ZNF385D: variants seen among roughly 807,000 people sequenced by gnomAD.
The protein encoded by ZNF385D is zinc finger protein 385D, also known as zinc finger protein 659.
In ZNF385D, 15 loss-of-function variants were observed where a neutral mutation model predicts 35.8. The ratio of observed to expected loss-of-function variants is 0.42; its 90% CI spans 0.28 to 0.64. ZNF385D has a LOEUF of 0.64. Ranked by LOEUF, ZNF385D falls within the 30% of genes least tolerant of loss-of-function variation. The pLI, the probability that ZNF385D is intolerant of heterozygous loss-of-function variation, is 0.23. For missense variants in ZNF385D, 474 were observed against 494.6 expected (o/e 0.96, Z 0.39); for synonymous variants, 212 against 186.8 (o/e 1.13, Z -1.10).
chr3:21,896,277 G>C (rs1415405842), intron 3 of ZNF385D, among the ~76,000 whole-genome samples: 1 of 152,012 alleles, frequency 6.6e-6, no homozygotes, highest in Non-Finnish European at 1.5e-5. Flanking sequence ...CTGACCTTTG[G>C]GATCTTTGAT....
intron 4 of ZNF385D, chr3:21,441,860 G>T: frequency 2.7e-6 from 1 of 374,898 alleles, no homozygotes; most frequent in Non-Finnish European, 3.7e-6. Flanking sequence ...GTGACAAGGA[G>T]TTAAAAATAA....
chr3:22,248,020 T>G (rs2125324545), intron 2 of ZNF385D, among the ~76,000 whole-genome samples: 1 of 152,288 alleles, frequency 6.6e-6, no homozygotes, highest in East Asian at 1.9e-4. Context: ...ATACATATAA[T>G]AGAGATTTAA....
At chr3:22,212,932 T>C (rs926648612) in intron 2 of ZNF385D, among the ~76,000 whole-genome samples, 4 of 151,962 alleles carry the variant, frequency 2.6e-5, no homozygotes, top group African/African-American at 7.2e-5. Flanking sequence ...AAAAAATCAA[T>C]TGTATTAATT....
intron 2 of ZNF385D, among the ~76,000 whole-genome samples, chr3:22,198,488 T>C (rs951557289): frequency 9.9e-5 from 15 of 152,174 alleles, no homozygotes; most frequent in Non-Finnish European, 1.9e-4. Context: ...TACACTTTCA[T>C]AGAATAAAGA....
At chr3:22,177,049 C>T (rs1694879644) in intron 2 of ZNF385D, among the ~76,000 whole-genome samples, 1 of 152,012 alleles carries the variant, frequency 6.6e-6, no homozygotes, top group Non-Finnish European at 1.5e-5. Flanking sequence ...CCTACTGTTC[C>T]TATTTTAGGG....
At chr3:22,278,120 GAACAT>G (rs1398504078) in intron 2 of ZNF385D, among the ~76,000 whole-genome samples, 1 of 152,022 alleles carries the variant, frequency 6.6e-6, no homozygotes, top group Non-Finnish European at 1.5e-5. Flanking sequence ...AGTTAGAACA[GAACAT>G]GTTTTATTCA....
chr3:22,214,770 G>T (rs558033434), intron 2 of ZNF385D, among the ~76,000 whole-genome samples: 4 of 152,006 alleles, frequency 2.6e-5, no homozygotes, highest in Non-Finnish European at 5.9e-5. Flanking sequence ...CTGATAAGAT[G>T]TTATCAATGA....
chr3:22,221,206 T>C (rs2728987), intron 2 of ZNF385D, among the ~76,000 whole-genome samples: 87 of 152,280 alleles, frequency 5.7e-4, no homozygotes, highest in Non-Finnish European at 1.0e-3. Context: ...GATACATGTA[T>C]ACATACATTT....
At chr3:21,788,315 C>G (rs1254939357) in intron 3 of ZNF385D, among the ~76,000 whole-genome samples, 1 of 152,160 alleles carries the variant, frequency 6.6e-6, no homozygotes, top group Non-Finnish European at 1.5e-5. Flanking sequence ...CCCGTTTCTA[C>G]TAAAAATACA....
At chr3:22,098,372 A>T (rs1701746241) in intron 3 of ZNF385D, among the ~76,000 whole-genome samples, 1 of 152,158 alleles carries the variant, frequency 6.6e-6, no homozygotes, top group South Asian at 2.1e-4. Context: ...TAATGAACAC[A>T]ATTTTTTTCA....
chr3:21,730,434 C>A (rs1435820942), intron 1 of ZNF385D, among the ~76,000 whole-genome samples: 1 of 152,118 alleles, frequency 6.6e-6, no homozygotes, highest in Non-Finnish European at 1.5e-5. Context: ...CTTGTAAATG[C>A]AGAGATATCC....
At chr3:21,456,237 T>C (rs1022992201) in intron 4 of ZNF385D, among the ~76,000 whole-genome samples, 2 of 152,166 alleles carry the variant, frequency 1.3e-5, no homozygotes, top group African/African-American at 4.8e-5. Context: ...CATTACTGGG[T>C]ATATACCCAA....
intron 2 of ZNF385D, among the ~76,000 whole-genome samples, chr3:22,204,741 C>G (rs1403965546): frequency 6.6e-6 from 1 of 151,180 alleles, no homozygotes; most frequent in African/African-American, 2.4e-5. Flanking sequence ...TGCCATATAT[C>G]ATTCTTACCA....
intron 2 of ZNF385D, among the ~76,000 whole-genome samples, chr3:22,202,920 A>G (rs974602614): frequency 3.3e-5 from 5 of 152,120 alleles, no homozygotes; most frequent in African/African-American, 4.8e-5. Context: ...ACTGTGGGCT[A>G]AAGTGTTTTG....
chr3:22,218,774 G>A (rs954278932), intron 2 of ZNF385D, among the ~76,000 whole-genome samples: 5 of 151,972 alleles, frequency 3.3e-5, no homozygotes, highest in South Asian at 2.1e-4. Context: ...TAACTTTATA[G>A]TTGTTCATTG....
At chr3:21,801,612 T>C (rs2072407258) in intron 3 of ZNF385D, among the ~76,000 whole-genome samples, 1 of 152,184 alleles carries the variant, frequency 6.6e-6, no homozygotes, top group Admixed American at 6.6e-5. Context: ...TAATCTACTG[T>C]AGCAGAGCCA....
At chr3:22,127,767 A>C (rs76716386) in intron 3 of ZNF385D, among the ~76,000 whole-genome samples, 2,141 of 152,270 alleles carry the variant, frequency 0.014, 48 homozygotes, top group African/African-American at 0.047. Flanking sequence ...AAGCAAAGGA[A>C]AAACTAAAGA....
At chr3:21,627,921 T>A (rs780298998) in intron 2 of ZNF385D, among the ~76,000 whole-genome samples, 7 of 152,174 alleles carry the variant, frequency 4.6e-5, no homozygotes, top group Non-Finnish European at 1.0e-4. Context: ...AGAGTTTATC[T>A]TAAATTTTGT....
chr3:21,527,137 T>G (rs1443290681), intron 3 of ZNF385D, among the ~76,000 whole-genome samples: 1 of 152,196 alleles, frequency 6.6e-6, no homozygotes, highest in Non-Finnish European at 1.5e-5. Context: ...TCTTTCAGAC[T>G]TTCAGGGATA....
Sources: allele counts gnomAD v4.1 joint callset (sites outside exome capture counted in the v4.1 genomes callset), GRCh38; gene constraint gnomAD v4.1.1; transcripts MANE v1.5; gene names NCBI Gene and HGNC (gene_info 2026-07-23, HGNC 2026-07-21).